Variants in LRRTM4 observed in about 807,000 individuals in gnomAD.
LRRTM4 encodes leucine rich repeat transmembrane neuronal 4.
Under a neutral mutation model 47.6 loss-of-function variants are expected in LRRTM4, and 25 were observed. That is an observed-to-expected ratio of 0.53 (90% CI 0.38 to 0.73). The LOEUF (loss-of-function observed/expected upper bound fraction) is 0.73. LRRTM4 is among the 30% of genes least tolerant of loss of function. The probability of loss-of-function intolerance (pLI) is 0.00; values close to 1 mark genes in which losing one functional copy is unlikely to be tolerated. For synonymous variants in LRRTM4, 311 were observed against 269.5 expected, an observed-to-expected ratio of 1.15 and a Z score of -1.51; for missense variants, 638 against 713.4, an observed-to-expected ratio of 0.89 and a Z score of 1.20.
At chr2:76,943,431 T>C (rs1367499088) in intron 3 of LRRTM4, among the ~76,000 whole-genome samples, 1 of 151,970 alleles carries the variant, frequency 6.6e-6, no homozygotes, top group Non-Finnish European at 1.5e-5. Context: ...CAAAACTCCG[T>C]CTCAAAACAA....
At chr2:77,474,395 T>C (rs1172311163) in intron 3 of LRRTM4, among the ~76,000 whole-genome samples, 1 of 152,072 alleles carries the variant, frequency 6.6e-6, no homozygotes, top group Non-Finnish European at 1.5e-5. Context: ...TATGGCTTTC[T>C]GACTAAGCCC....
intron 3 of LRRTM4, among the ~76,000 whole-genome samples, chr2:76,920,861 A>G (rs183307295): frequency 6.6e-6 from 1 of 152,152 alleles, no homozygotes; most frequent in Admixed American, 6.6e-5. Context: ...TATTTTTCCT[A>G]GCGTCTGTCT....
In LRRTM4 at chr2:77,227,532, T is replaced by A. The variant is rs566064438; in HGVS notation, c.1551+290786A>T. Among the ~76,000 whole-genome samples, 777 of 152,144 alleles carry A rather than the reference T, an allele frequency of 5.1e-3. 7 individuals are homozygous for A. The highest frequency in any genetic ancestry group is 0.018 in the African/African-American group (752 of 41,532). ...ATTAATCAAGGAGTTTGGTTGTATTTTTTTTCAAAATCACAAAGACAAAGA... is the reference window on the plus strand; with the variant it reads ...ATTAATCAAGGAGTTTGGTTGTATTATTTTTCAAAATCACAAAGACAAAGA... On this transcript the variant is annotated intron_variant, in intron 3 of 3. Coordinates refer to ENST00000409884, the MANE Select transcript of LRRTM4 (RefSeq NM_001134745.3).
intron 3 of LRRTM4, among the ~76,000 whole-genome samples, chr2:76,866,854 T>C (rs1385057673): frequency 6.6e-6 from 1 of 152,100 alleles, no homozygotes; most frequent in East Asian, 1.9e-4. Flanking sequence ...CCTTTGGGTA[T>C]ATACCCAGTA....
intron 3 of LRRTM4, among the ~76,000 whole-genome samples, chr2:77,137,422 G>A (rs955477588): frequency 1.3e-5 from 2 of 151,894 alleles, no homozygotes; most frequent in African/African-American, 4.9e-5. Flanking sequence ...AAGAGCAAAT[G>A]CTGAGAGATT....
intron 3 of LRRTM4, among the ~76,000 whole-genome samples, chr2:76,901,487 G>T (rs913709931): frequency 6.6e-6 from 1 of 152,032 alleles, no homozygotes; most frequent in African/African-American, 2.4e-5. Flanking sequence ...ACAGAAAAAA[G>T]GGAGAGCAGT....
chr2:77,300,949 T>G (rs1254118215), intron 3 of LRRTM4, among the ~76,000 whole-genome samples: 1 of 152,086 alleles, frequency 6.6e-6, no homozygotes, highest in Non-Finnish European at 1.5e-5. Flanking sequence ...TTTTTACAGT[T>G]GTGGTAAATG....
intron 3 of LRRTM4, among the ~76,000 whole-genome samples, chr2:77,246,922 G>A (rs1215300105): frequency 6.6e-6 from 1 of 151,690 alleles, no homozygotes; most frequent in Non-Finnish European, 1.5e-5. Context: ...AAAACTTCTG[G>A]ATGAATATAT....
chr2:76,933,494 G>T (rs1183008788), intron 3 of LRRTM4, among the ~76,000 whole-genome samples: 1 of 152,110 alleles, frequency 6.6e-6, no homozygotes, highest in Non-Finnish European at 1.5e-5. Context: ...TAGAATTGGG[G>T]TATGTAAAAA....
chr2:77,318,128 T>C (rs1489615368), intron 3 of LRRTM4, among the ~76,000 whole-genome samples: 1 of 147,512 alleles, frequency 6.8e-6, no homozygotes, highest in Non-Finnish European at 1.5e-5. Context: ...TGCCTCAGCC[T>C]CCCGAGTAGC....
At chr2:77,094,628 A>T (rs976171486) in intron 3 of LRRTM4, among the ~76,000 whole-genome samples, 1 of 152,176 alleles carries the variant, frequency 6.6e-6, no homozygotes. Context: ...AACAAACCCA[A>T]GTATTTGTGG....
intron 3 of LRRTM4, among the ~76,000 whole-genome samples, chr2:77,063,739 A>C (rs1299489207): frequency 6.6e-6 from 1 of 152,196 alleles, no homozygotes; most frequent in Non-Finnish European, 1.5e-5. Flanking sequence ...GGAAACATTC[A>C]GTTTCAAACA....
At chr2:77,517,311 GT>G in intron 3 of LRRTM4, 1 of 983,458 alleles carries the variant, frequency 1.0e-6, no homozygotes, top group Non-Finnish European at 1.2e-6. Flanking sequence ...ATTTGAGGCT[GT>G]TACAGAAAGG....
intron 3 of LRRTM4, among the ~76,000 whole-genome samples, chr2:76,752,979 T>A (rs1342232629): frequency 6.6e-6 from 1 of 152,192 alleles, no homozygotes; most frequent in African/African-American, 2.4e-5. Flanking sequence ...AGCTGCACTT[T>A]ATTTACAGAT....
intron 3 of LRRTM4, among the ~76,000 whole-genome samples, chr2:77,430,858 A>G (rs1675345300): frequency 6.7e-6 from 1 of 148,554 alleles, no homozygotes; most frequent in Admixed American, 6.6e-5. Context: ...GAGTGGGGGA[A>G]GATCTGCTCT....
chr2:77,492,219 T>C (rs1301582897), intron 3 of LRRTM4, among the ~76,000 whole-genome samples: 1 of 152,178 alleles, frequency 6.6e-6, no homozygotes, highest in Admixed American at 6.5e-5. Context: ...ATAGAATTTA[T>C]CCAGAAAGCA....
intron 3 of LRRTM4, among the ~76,000 whole-genome samples, chr2:77,061,666 T>A (rs529239125): frequency 2.3e-4 from 35 of 152,294 alleles, no homozygotes; most frequent in Non-Finnish European, 4.0e-4. Flanking sequence ...TATACATATA[T>A]ATGTATCAAA....
intron 3 of LRRTM4, among the ~76,000 whole-genome samples, chr2:77,435,570 G>A (rs777730422): frequency 1.3e-5 from 2 of 152,014 alleles, no homozygotes; most frequent in Non-Finnish European, 2.9e-5. Flanking sequence ...AAGTCATACC[G>A]AATGGGCCAG....
At chr2:77,377,773 TG>T (rs1302060450) in intron 3 of LRRTM4, among the ~76,000 whole-genome samples, 2 of 152,074 alleles carry the variant, frequency 1.3e-5, no homozygotes, top group African/African-American at 4.8e-5. Context: ...ATAAATTATA[TG>T]AATAGATTTT....
Sources: allele counts gnomAD v4.1 joint callset (sites outside exome capture counted in the v4.1 genomes callset), GRCh38; gene constraint gnomAD v4.1.1; transcripts MANE v1.5; gene names NCBI Gene and HGNC (gene_info 2026-07-23, HGNC 2026-07-21).